Variants in SEC24B observed in about 807,000 individuals in gnomAD.
SEC24B encodes the protein SEC24 homolog B, COPII component, also known as protein transport protein Sec24B.
In SEC24B, 45 loss-of-function variants were observed where a neutral mutation model predicts 142.8. The observed-to-expected ratio is 0.32, with a 90% CI of 0.25 to 0.40. The LOEUF (loss-of-function observed/expected upper bound fraction) is 0.40, where lower values mean the gene tolerates loss of function less well. Among genes scored for constraint, SEC24B ranks in the 10% least tolerant of loss-of-function variants. SEC24B has a pLI of 1.00. For missense variants in SEC24B, 1,409 were observed against 1,526.8 expected (o/e 0.92, Z 1.29); for synonymous variants, 574 against 568.2 (o/e 1.01, Z -0.15).
chr4:109,483,884 A>G (rs1734078008), intron 4 of SEC24B, among the ~76,000 whole-genome samples: 1 of 152,204 alleles, frequency 6.6e-6, no homozygotes, highest in African/African-American at 2.4e-5. Context: ...CATTTTTGCC[A>G]CATTTGCTTT....
chr4:109,453,799 TG>T (rs1327268673), intron 1 of SEC24B, among the ~76,000 whole-genome samples: 19 of 151,988 alleles, frequency 1.3e-4, no homozygotes, highest in Admixed American at 5.2e-4. Context: ...TAAATGTCTA[TG>T]AGATCTTCAC....
In SEC24B at chr4:109,447,070, GT is replaced by G. The variant is rs199566370; in HGVS notation, c.133+13072del. Among the ~76,000 whole-genome samples the G allele has an allele frequency of 8.4e-3, 1,277 of 152,296 alleles. 58 individuals are homozygous for G. Among genetic ancestry groups the G allele is most frequent in the Admixed American group, 0.07 (1,072 of 15,298 alleles). On this transcript the variant is annotated intron_variant, in intron 1 of 23. Transcript: ENST00000265175. ...GCATTCACTTGTAGGATTAGAGAAT[GT>G]TTTCCTAGAGAAGAGCTGAGCTGAG...
At chr4:109,503,600 C>T (rs1273450610) in intron 6 of SEC24B, among the ~76,000 whole-genome samples, 9 of 151,824 alleles carry the variant, frequency 5.9e-5, no homozygotes, top group Non-Finnish European at 7.4e-5. Context: ...AGTTAAGTGA[C>T]GCGCCCACTT....
At chr4:109,486,521 CCT>C (rs1479280261) in intron 4 of SEC24B, among the ~76,000 whole-genome samples, 16 of 152,254 alleles carry the variant, frequency 1.1e-4, no homozygotes, top group African/African-American at 3.9e-4. Flanking sequence ...ATTTCAGCTC[CCT>C]CTCTTTTTCT....
At chr4:109,477,149 A>T (rs912183360) in intron 3 of SEC24B, among the ~76,000 whole-genome samples, 4 of 149,402 alleles carry the variant, frequency 2.7e-5, no homozygotes, top group Non-Finnish European at 6.0e-5. Context: ...ATAAAAAAAA[A>T]AAAAAAAAAA....
Position 109,456,325 on chromosome 4 carries a change from G to GTTT in SEC24B, c.134-6570_134-6568dup, listed in dbSNP as rs1196701325. Among the ~76,000 whole-genome samples the GTTT allele has an allele frequency of 8.5e-4, 78 of 92,176 alleles. 1 individual carries two copies. The highest frequency in any genetic ancestry group is 3.0e-3 in the African/African-American group (70 of 23,412). The allele number at this position is 92,176 out of a possible 152,430, so 60.5% of individuals were successfully genotyped here. A position where few individuals can be genotyped will look rare whatever the true frequency, so the allele number is the denominator to read the frequency against. ...CATGTCATTCTGCAAATAAAGACAG[G>GTTT]TTTTTTTTGTTTTTTTTTTTTTTTT... On this transcript the variant is annotated intron_variant, in intron 1 of 23. Coordinates refer to ENST00000265175, the MANE Select transcript of SEC24B (RefSeq NM_006323.5).
chr4:109,443,201 A>C (rs368123219), intron 1 of SEC24B, among the ~76,000 whole-genome samples: 8 of 152,296 alleles, frequency 5.3e-5, no homozygotes, highest in African/African-American at 1.9e-4. Context: ...ATCTGAAGAT[A>C]AAGTATTAAT....
intron 8 of SEC24B, among the ~76,000 whole-genome samples, 170 bp from the exon 9 acceptor site, chr4:109,511,787 A>C (rs1213645714): frequency 1.3e-5 from 2 of 152,238 alleles, no homozygotes; most frequent in Admixed American, 6.5e-5. Context: ...AGAAAACTTG[A>C]TGGCTACATG....
intron 18 of SEC24B, 121 bp from the exon 19 acceptor site, chr4:109,530,168 T>C: frequency 1.3e-6 from 1 of 771,228 alleles, no homozygotes; most frequent in Non-Finnish European, 2.0e-6. Context: ...ATGAAATGCA[T>C]TTTTCCATCC....
intron 19 of SEC24B, among the ~76,000 whole-genome samples, chr4:109,530,895 CAAAA>C (rs35997146): frequency 1.3e-4 from 6 of 46,338 alleles, no homozygotes; most frequent in South Asian, 9.9e-4. Flanking sequence ...GACTCCGTCT[CAAAA>C]AAAAAAAAAA....
chr4:109,533,135 C>T (rs150107697), intron 21 of SEC24B, among the ~76,000 whole-genome samples: 1 of 152,204 alleles, frequency 6.6e-6, no homozygotes, highest in East Asian at 1.9e-4. Flanking sequence ...TCAGAAATCT[C>T]ATTAATGATT....
At chr4:109,460,444 T>A (rs905702310) in intron 1 of SEC24B, among the ~76,000 whole-genome samples, 1 of 152,056 alleles carries the variant, frequency 6.6e-6, no homozygotes, top group Non-Finnish European at 1.5e-5. Context: ...GACAGAAAAA[T>A]TAGATTCCAA....
In SEC24B at chr4:109,530,421, C is replaced by T; in HGVS notation, c.3209C>T (p.Ser1070Phe). The T allele has an allele frequency of 6.2e-7, 1 of 1,614,010 alleles. No individual in the cohort carries two copies. The highest frequency in any genetic ancestry group is 8.5e-7 in the Non-Finnish European group (1 of 1,179,958). ...CACTCTGCATTGATGGCGCCCAGCT[C>T]CCTCAAGTTGTTTCCTCTCTATGTT... ...LQHSALMAPS[S>F]LKLFPLYVLA... The change falls in exon 19 of 24, where the codon TCC becomes TTC. Residue 1070 changes from serine to phenylalanine, a missense_variant. Ser to Phe is a radical substitution (Grantham distance 155, BLOSUM62 -2). Around this residue, in one of 2 missense-constraint regions of SEC24B, gnomAD observed 700 missense variants for 853.3 expected, o/e 0.82. Transcript: ENST00000265175.
intron 13 of SEC24B, 21 bp downstream of exon 13, chr4:109,521,193 T>G: frequency 7.1e-7 from 1 of 1,398,724 alleles, no homozygotes; most frequent in South Asian, 1.2e-5. Context: ...TTTATTTTCT[T>G]AAAGCATAAA....
intron 6 of SEC24B, among the ~76,000 whole-genome samples, chr4:109,505,090 G>A (rs1736544065): frequency 6.6e-6 from 1 of 151,918 alleles, no homozygotes; most frequent in East Asian, 1.9e-4. Context: ...TGTCAAGAGT[G>A]AAATAAGATA....
chr4:109,527,415 G>A lies in SEC24B; in HGVS notation c.3059G>A (p.Cys1020Tyr), dbSNP rs1724368659. Reference protein sequence around the residue: ...YAGVDVQAAICLLANMAVDRS... With the variant: ...YAGVDVQAAIYLLANMAVDRS... ...GGAGTGGATGTACAAGCTGCCATCT[G>A]CCTTCTGGCAAACATGGGTGAGTAA... The change falls in exon 18 of 24, where the codon TGC becomes TAC. Residue 1020 changes from cysteine to tyrosine, a missense_variant. Physicochemically the swap from Cys to Tyr is radical, Grantham distance 194 (BLOSUM62 -2). Around this residue, in one of 2 missense-constraint regions of SEC24B, gnomAD observed 700 missense variants for 853.3 expected, o/e 0.82. Transcript: ENST00000265175. 6.2e-7 allele frequency: 1 copy of A among 1,610,916 alleles called. No individual in the cohort carries two copies. Among genetic ancestry groups the A allele is most frequent in the Non-Finnish European group, 8.5e-7 (1 of 1,177,674 alleles).
chr4:109,521,053 A>G, intron 12 of SEC24B, 64 bp from the exon 13 acceptor site: 1 of 1,061,876 alleles, frequency 9.4e-7, no homozygotes, highest in Non-Finnish European at 1.4e-6. Context: ...CCTGATAAAA[A>G]CTAAGATTTT....
intron 6 of SEC24B, 144 bp downstream of exon 6, chr4:109,495,000 C>A: frequency 1.1e-6 from 1 of 951,728 alleles, no homozygotes; most frequent in Non-Finnish European, 1.5e-6. Context: ...AGAATTTGAT[C>A]TCAGCTTTTT....
intron 1 of SEC24B, among the ~76,000 whole-genome samples, chr4:109,439,474 A>ATTTTTTTTTTTTTTTTTTTT (rs70949077): frequency 4.5e-5 from 2 of 43,996 alleles, no homozygotes; most frequent in Non-Finnish European, 8.0e-5. Flanking sequence ...TCCTAAGCTG[A>ATTTTTTTTTTTTTTTTTTTT]TTTTTTTTTT....
Sources: gnomAD v4.1 joint callset for allele counts (sites outside exome capture counted in the v4.1 genomes callset) on GRCh38, gnomAD v4.1.1 for gene constraint, gnomAD v4.1.1 regional missense constraint, MANE v1.5 for transcripts, NCBI Gene and HGNC (gene_info 2026-07-23, HGNC 2026-07-21) for gene names.